COMMD10: variants seen among roughly 807,000 people sequenced by gnomAD.
The protein encoded by COMMD10 is COMM domain containing 10.
In COMMD10, 33 loss-of-function variants were observed where a neutral mutation model predicts 28.9. That is an observed-to-expected ratio of 1.14 (90% CI 0.87 to 1.53). The LOEUF is 1.53. Among genes scored for constraint, COMMD10 ranks in the 40% most tolerant of loss-of-function variants. COMMD10 has a pLI of 0.00. For missense variants in COMMD10, 310 were observed against 233.4 expected (o/e 1.33, Z -2.14); for synonymous variants, 110 against 81.7 (o/e 1.35, Z -1.87).
intron 5 of COMMD10, among the ~76,000 whole-genome samples, chr5:116,270,617 A>G (rs1172586730): frequency 1.3e-5 from 2 of 151,870 alleles, no homozygotes; most frequent in South Asian, 2.1e-4. Flanking sequence ...GCTGCTTTGT[A>G]TAATCATTCC....
At chr5:116,200,201 G>C (rs1435888396) in intron 5 of COMMD10, among the ~76,000 whole-genome samples, 1 of 151,922 alleles carries the variant, frequency 6.6e-6, no homozygotes. Flanking sequence ...TCAAACAGTA[G>C]GTCTTATTCG....
chr5:116,184,593 C>T (rs1748079378), intron 5 of COMMD10, among the ~76,000 whole-genome samples: 1 of 151,976 alleles, frequency 6.6e-6, no homozygotes, highest in Non-Finnish European at 1.5e-5. Context: ...AACACCAAAC[C>T]TAAAAAAGCA....
Position 116,225,353 on chromosome 5 carries a change from G to GTTTTTTTTTTTTTTTTTTTT in COMMD10, c.511-66164_511-66163insTTTTTTTTTTTTTTTTTTTT, listed in dbSNP as rs143964154. ...AGACTTTCCTGTTTGTTTTTTTGGG[G>GTTTTTTTTTTTTTTTTTTTT]ATTTTTTTTTTTTTTTTTGCATATG... On this transcript the variant is annotated intron_variant, in intron 5 of 6. Transcript: ENST00000274458. 3.4e-5 allele frequency among the ~76,000 whole-genome samples: 4 copies of GTTTTTTTTTTTTTTTTTTTT among 116,510 alleles called. 1 individual carries two copies. The highest frequency in any genetic ancestry group is 6.8e-5 in the Non-Finnish European group (4 of 58,966). The allele number at this position is 116,510 out of a possible 152,430, so 76.4% of individuals were successfully genotyped here.
chr5:116,187,796 A>T (rs964641831), intron 5 of COMMD10, among the ~76,000 whole-genome samples: 1 of 152,184 alleles, frequency 6.6e-6, no homozygotes. Flanking sequence ...CCAAGTATTT[A>T]TACTTAAATA....
intron 5 of COMMD10, among the ~76,000 whole-genome samples, chr5:116,291,052 T>C (rs1459779272): frequency 6.6e-6 from 1 of 152,180 alleles, no homozygotes; most frequent in Non-Finnish European, 1.5e-5. Context: ...ACTCAGCATG[T>C]TGAGATCACA....
At chr5:116,270,170 G>T (rs1750716257) in intron 5 of COMMD10, among the ~76,000 whole-genome samples, 3 of 151,790 alleles carry the variant, frequency 2.0e-5, no homozygotes. Flanking sequence ...TTACTAAAGG[G>T]AAGGAGATGG....
intron 5 of COMMD10, among the ~76,000 whole-genome samples, chr5:116,239,657 T>G (rs1749762642): frequency 6.6e-6 from 1 of 152,166 alleles, no homozygotes; most frequent in African/African-American, 2.4e-5. Flanking sequence ...ATAGCAGCTG[T>G]CATTTGATCA....
chr5:116,201,703 A>G (rs1748672162), intron 5 of COMMD10, among the ~76,000 whole-genome samples: 1 of 152,108 alleles, frequency 6.6e-6, no homozygotes. Flanking sequence ...TCCCAGCTTA[A>G]TGTCACAGAC....
intron 5 of COMMD10, chr5:116,218,374 G>A (rs533713693): frequency 3.6e-6 from 2 of 560,956 alleles, no homozygotes; most frequent in Admixed American, 2.6e-5. Context: ...GAGTCCAGGG[G>A]TCGTTCTTGC....
chr5:116,195,763 G>C (rs576558536), intron 5 of COMMD10, among the ~76,000 whole-genome samples: 1 of 152,124 alleles, frequency 6.6e-6, no homozygotes, highest in African/African-American at 2.4e-5. Flanking sequence ...CCATCAAAAA[G>C]TGGGCTAAAG....
chr5:116,198,728 G>A (rs1748590299), intron 5 of COMMD10, among the ~76,000 whole-genome samples: 3 of 152,014 alleles, frequency 2.0e-5, no homozygotes, highest in Non-Finnish European at 4.4e-5. Flanking sequence ...AGTCTTCTCA[G>A]GTTTTCTTCT....
chr5:116,195,161 A>G (rs780187939), intron 5 of COMMD10, among the ~76,000 whole-genome samples: 2 of 152,178 alleles, frequency 1.3e-5, no homozygotes, highest in Non-Finnish European at 2.9e-5. Flanking sequence ...CAAGGGACGT[A>G]CCATAATGTA....
At chr5:116,130,409 G>A (rs1356608920) in intron 4 of COMMD10, among the ~76,000 whole-genome samples, 3 of 151,702 alleles carry the variant, frequency 2.0e-5, no homozygotes, top group Admixed American at 6.6e-5. Flanking sequence ...TGTTATCCGG[G>A]GACTGAGAAT....
intron 5 of COMMD10, among the ~76,000 whole-genome samples, chr5:116,206,025 T>A (rs968385542): frequency 6.6e-6 from 1 of 152,176 alleles, no homozygotes; most frequent in Non-Finnish European, 1.5e-5. Flanking sequence ...CAAAGTTGAA[T>A]AAAATTTCAT....
At chr5:116,276,664 A>G (rs1201952947) in intron 5 of COMMD10, among the ~76,000 whole-genome samples, 1 of 151,892 alleles carries the variant, frequency 6.6e-6, no homozygotes, top group Non-Finnish European at 1.5e-5. Context: ...TATTTAAATT[A>G]AGATACAAGC....
intron 4 of COMMD10, among the ~76,000 whole-genome samples, chr5:116,126,728 A>C (rs1429369628): frequency 4.6e-5 from 7 of 152,250 alleles, no homozygotes; most frequent in Non-Finnish European, 7.3e-5. Flanking sequence ...CCATATGTAG[A>C]AAGCTGAAAC....
At chr5:116,131,855 G>A (rs183781558) in intron 4 of COMMD10, among the ~76,000 whole-genome samples, 72 of 152,122 alleles carry the variant, frequency 4.7e-4, no homozygotes, top group African/African-American at 1.7e-3. Flanking sequence ...TGGAGTCAAA[G>A]AAGAGGCATG....
rs190743591 is a variant in COMMD10, at chr5:116,132,510, G to T, written c.400-1558G>T. On this transcript the variant is annotated intron_variant, in intron 4 of 6. Coordinates refer to ENST00000274458, the MANE Select transcript of COMMD10 (RefSeq NM_016144.4). ...AATATCAAGGCCTGATCACAGTGGGGTGTGAGTTTTAATTTATTCACTTGA... is the reference window on the plus strand; with the variant it reads ...AATATCAAGGCCTGATCACAGTGGGTTGTGAGTTTTAATTTATTCACTTGA... Among the ~76,000 whole-genome samples the T allele has an allele frequency of 4.0e-3, 603 of 152,226 alleles. 3 individuals are homozygous for T. The highest frequency in any genetic ancestry group is 5.8e-3 in the African/African-American group (242 of 41,554).
At chr5:116,123,096 A>T (rs1751498478) in intron 4 of COMMD10, among the ~76,000 whole-genome samples, 1 of 152,198 alleles carries the variant, frequency 6.6e-6, no homozygotes, top group Non-Finnish European at 1.5e-5. Flanking sequence ...CCCATTTGAT[A>T]TGATATTGGC....
Sources: gnomAD v4.1 joint callset for allele counts (sites outside exome capture counted in the v4.1 genomes callset) on GRCh38, gnomAD v4.1.1 for gene constraint, MANE v1.5 for transcripts, NCBI Gene and HGNC (gene_info 2026-07-23, HGNC 2026-07-21) for gene names.